TBCA: variants seen among roughly 807,000 people sequenced by gnomAD.
The protein encoded by TBCA is tubulin folding cofactor A, also known as tubulin-specific chaperone A.
A neutral mutation model predicts 15.8 loss-of-function variants in TBCA; 6 were observed. The ratio of observed to expected loss-of-function variants is 0.38; its 90% CI spans 0.21 to 0.75. The LOEUF (loss-of-function observed/expected upper bound fraction) is 0.75, where lower values mean the gene tolerates loss of function less well. TBCA is among the 30% of genes least tolerant of loss of function. The probability of loss-of-function intolerance (pLI) is 0.46; values close to 1 mark genes in which losing one functional copy is unlikely to be tolerated. For synonymous variants in TBCA, 32 were observed against 42.3 expected, an observed-to-expected ratio of 0.76 and a Z score of 0.94; for missense variants, 90 against 131.2, an observed-to-expected ratio of 0.69 and a Z score of 1.53.
intron 2 of TBCA, among the ~76,000 whole-genome samples, chr5:77,695,371 G>T (rs937166445): frequency 6.6e-6 from 1 of 152,064 alleles, no homozygotes; most frequent in Non-Finnish European, 1.5e-5. Flanking sequence ...CAGGTACTGA[G>T]GATACAAAGA....
At chr5:77,752,072 G>A (rs1747358877) in intron 1 of TBCA, among the ~76,000 whole-genome samples, 1 of 152,050 alleles carries the variant, frequency 6.6e-6, no homozygotes, top group Admixed American at 6.5e-5. Context: ...TAATTGCTGT[G>A]GGTCCTGCAT....
At chr5:77,711,453 T>C (rs1426677228) in intron 1 of TBCA, among the ~76,000 whole-genome samples, 1 of 152,206 alleles carries the variant, frequency 6.6e-6, no homozygotes, top group Admixed American at 6.5e-5. Flanking sequence ...GGTCTTAAGT[T>C]CCTTGAAGAG....
intron 3 of TBCA, 146 bp from the exon 4 acceptor site, chr5:77,691,644 C>T: frequency 7.2e-7 from 1 of 1,390,564 alleles, no homozygotes; most frequent in East Asian, 2.8e-5. Flanking sequence ...TATTGTAATT[C>T]CACAGGTTTC....
chr5:77,726,119 T>C (rs1398920532), intron 1 of TBCA, among the ~76,000 whole-genome samples: 1 of 152,230 alleles, frequency 6.6e-6, no homozygotes, highest in Non-Finnish European at 1.5e-5. Context: ...ACTAAATTAC[T>C]GTTGTCATTT....
At chr5:77,712,321 A>G (rs555784847) in intron 1 of TBCA, among the ~76,000 whole-genome samples, 9 of 152,252 alleles carry the variant, frequency 5.9e-5, no homozygotes, top group Admixed American at 4.6e-4. Flanking sequence ...TAGTATTTCT[A>G]TTATGGTTTG....
chr5:77,704,143 C>G (rs183692159), intron 2 of TBCA, among the ~76,000 whole-genome samples: 45 of 152,216 alleles, frequency 3.0e-4, no homozygotes, highest in African/African-American at 8.9e-4. Context: ...TTCTATATAG[C>G]AGTATGAAAA....
At chr5:77,734,885 C>G (rs978899946) in intron 1 of TBCA, among the ~76,000 whole-genome samples, 1 of 152,230 alleles carries the variant, frequency 6.6e-6, no homozygotes, top group Non-Finnish European at 1.5e-5. Context: ...AATCAATCAG[C>G]AGCCATCAAC....
intron 1 of TBCA, among the ~76,000 whole-genome samples, chr5:77,720,879 A>C (rs1746515805): frequency 6.6e-6 from 1 of 152,176 alleles, no homozygotes; most frequent in Non-Finnish European, 1.5e-5. Context: ...GATCCAAAAG[A>C]GATTTAAAGG....
At chr5:77,733,597 A>C (rs1276651411) in intron 1 of TBCA, among the ~76,000 whole-genome samples, 2 of 152,220 alleles carry the variant, frequency 1.3e-5, no homozygotes, top group African/African-American at 2.4e-5. Flanking sequence ...AAAAGAGGTA[A>C]GGGAGCTGCA....
At chr5:77,774,147 G>A (rs1164217168) in intron 1 of TBCA, among the ~76,000 whole-genome samples, 3 of 152,112 alleles carry the variant, frequency 2.0e-5, no homozygotes, top group Non-Finnish European at 4.4e-5. Context: ...AGATCTTAAG[G>A]CTTTTTGTAA....
chr5:77,748,445 T>C (rs1463995044), intron 1 of TBCA, among the ~76,000 whole-genome samples: 1 of 151,440 alleles, frequency 6.6e-6, no homozygotes, highest in South Asian at 2.1e-4. Flanking sequence ...TATCTAAGAA[T>C]CTCTAAGGGA....
At chr5:77,724,713 C>T (rs1737397201) in intron 1 of TBCA, among the ~76,000 whole-genome samples, 2 of 152,032 alleles carry the variant, frequency 1.3e-5, no homozygotes, top group South Asian at 2.1e-4. Flanking sequence ...TTCAGTAAAT[C>T]CTGGATATTC....
intron 2 of TBCA, among the ~76,000 whole-genome samples, chr5:77,704,837 T>C (rs1186277698): frequency 1.3e-5 from 2 of 152,222 alleles, no homozygotes; most frequent in Non-Finnish European, 2.9e-5. Flanking sequence ...CAGAAACAAC[T>C]ATTGTTCTGT....
rs561144477 is a variant in TBCA at position 77,748,461 on chromosome 5, C to T, written c.53+27744G>A. ...ATCTAAGAATCTCTAAGGGATACTT[C>T]ATCAGCTCTACGATTTAGTTTTGCT... On this transcript the variant is annotated intron_variant, in intron 1 of 3. Transcript: ENST00000380377. 2.0e-5 allele frequency among the ~76,000 whole-genome samples: 3 copies of T among 149,502 alleles called. No individual in the cohort carries two copies. The South Asian group carries it at 6.3e-4, about 32-fold the overall frequency.
chr5:77,707,720 G>A (rs1001014221), intron 2 of TBCA, among the ~76,000 whole-genome samples: 1 of 151,986 alleles, frequency 6.6e-6, no homozygotes, highest in African/African-American at 2.4e-5. Flanking sequence ...CTTCACATCA[G>A]TGTGGAGACA....
At chr5:77,693,799 C>CAAAAA (rs70991303) in intron 2 of TBCA, among the ~76,000 whole-genome samples, 61 of 77,790 alleles carry the variant, frequency 7.8e-4, no homozygotes, top group Middle Eastern at 0.011. Flanking sequence ...AACTCCATCT[C>CAAAAA]AAAAAAAAAA....
Position 77,697,823 on chromosome 5 carries a change from C to T in TBCA, c.160-4471G>A, listed in dbSNP as rs996330543. On this transcript the variant is annotated intron_variant, in intron 2 of 3. Coordinates refer to ENST00000380377, the MANE Select transcript of TBCA (RefSeq NM_004607.3). ...AAAAACAGAAAAGCAATAGACAAAA[C>T]TGTATGAAACAAAAAGCTGGTTTTG... is the stretch of plus-strand genomic sequence containing the variant. Among the ~76,000 whole-genome samples the T allele has an allele frequency of 3.3e-5, 5 of 152,140 alleles. No homozygotes were observed. In the South Asian group the frequency reaches 1.0e-3, roughly 32 times the overall value.
intron 1 of TBCA, among the ~76,000 whole-genome samples, chr5:77,728,541 T>A (rs1746682635): frequency 6.6e-6 from 1 of 151,872 alleles, no homozygotes; most frequent in Non-Finnish European, 1.5e-5. Context: ...TCATGTAGAG[T>A]ACATAAACCT....
intron 2 of TBCA, among the ~76,000 whole-genome samples, chr5:77,704,057 C>T (rs1183626358): frequency 6.6e-6 from 1 of 152,112 alleles, no homozygotes; most frequent in East Asian, 1.9e-4. Context: ...TATAAGTTCC[C>T]TGAGGTCTCC....
Sources: gnomAD v4.1 joint callset for allele counts (sites outside exome capture counted in the v4.1 genomes callset) on GRCh38, gnomAD v4.1.1 for gene constraint, MANE v1.5 for transcripts, NCBI Gene and HGNC (gene_info 2026-07-23, HGNC 2026-07-21) for gene names.